Variants in DST observed in about 807,000 individuals in gnomAD.
DST encodes dystonin.
DST carries 253 observed loss-of-function variants against 875.2 expected under a neutral mutation model. The observed-to-expected ratio is 0.29, with a 90% CI of 0.26 to 0.32. The LOEUF (loss-of-function observed/expected upper bound fraction) is 0.32, where lower values mean the gene tolerates loss of function less well. DST is among the 10% of genes least tolerant of loss of function. The pLI is 1.00. For missense variants in DST, 8,287 were observed against 9,111.6 expected (o/e 0.91, Z 3.68); for synonymous variants, 3,124 against 3,197.1 (o/e 0.98, Z 0.77).
intron 4 of DST, 187 bp downstream of exon 4, chr6:56,851,210 A>C: frequency 1.6e-6 from 1 of 607,246 alleles, no homozygotes; most frequent in East Asian, 2.8e-5. Context: ...CTTAGTCACC[A>C]GCAGGCAGGG....
chr6:56,934,613 A>G (rs1463231024), intron 2 of DST, among the ~76,000 whole-genome samples: 6 of 131,718 alleles, frequency 4.6e-5, no homozygotes, highest in African/African-American at 1.1e-4. Flanking sequence ...GAAGGAGGGG[A>G]GAGAGAGAGA....
chr6:56,673,337 T>C (rs1279921723), intron 9 of DST, among the ~76,000 whole-genome samples: 1 of 152,172 alleles, frequency 6.6e-6, no homozygotes. Flanking sequence ...TTAAAAATTA[T>C]AAAATCAACT....
chr6:56,563,588 T>A (rs2097582078), intron 55 of DST, among the ~76,000 whole-genome samples: 1 of 152,246 alleles, frequency 6.6e-6, no homozygotes, highest in South Asian at 2.1e-4. Context: ...TTTAATTAGA[T>A]CCCATTTGTC....
chr6:56,461,992 T>C (rs903167310), intron 102 of DST: 4 of 152,236 alleles, frequency 2.6e-5, no homozygotes, highest in African/African-American at 9.6e-5. Flanking sequence ...AGGTAACACA[T>C]TTTTTCTCTG....
chr6:56,896,329 T>C (rs552573448), intron 3 of DST, among the ~76,000 whole-genome samples: 1 of 152,226 alleles, frequency 6.6e-6, no homozygotes, highest in Admixed American at 6.5e-5. Context: ...GCTATTCTCA[T>C]GATAGTGAAT....
chr6:56,630,476 C>T (rs1257813712), intron 30 of DST, 93 bp from the exon 31 acceptor site: 1 of 1,092,866 alleles, frequency 9.2e-7, no homozygotes, highest in African/African-American at 1.5e-5. Context: ...CATGACATAA[C>T]ATGTTCTTCA....
chr6:56,699,242 G>T (rs995594862), intron 9 of DST, among the ~76,000 whole-genome samples: 2 of 152,100 alleles, frequency 1.3e-5, no homozygotes, highest in African/African-American at 2.4e-5. Context: ...TAATTATGCT[G>T]CCATCTAGTG....
At chr6:56,482,006 T>C in intron 90 of DST, 44 bp downstream of exon 90, 1 of 1,589,956 alleles carries the variant, frequency 6.3e-7, no homozygotes, top group Non-Finnish European at 8.6e-7. Flanking sequence ...TTCCCTGCTT[T>C]GATTTTCTAA....
intron 3 of DST, chr6:56,862,004 T>G (rs942340458): frequency 1.3e-5 from 2 of 152,194 alleles, no homozygotes; most frequent in African/African-American, 4.8e-5. Context: ...CAGCTGTTTC[T>G]TATGTACTTC....
chr6:56,931,240 A>C (rs1378822719), intron 2 of DST, among the ~76,000 whole-genome samples: 1 of 152,182 alleles, frequency 6.6e-6, no homozygotes, highest in Non-Finnish European at 1.5e-5. Context: ...CAGAGGGTTC[A>C]AGTCCCAAGA....
intron 4 of DST, among the ~76,000 whole-genome samples, chr6:56,804,731 G>A (rs2099751161): frequency 6.6e-6 from 1 of 152,032 alleles, no homozygotes; most frequent in Admixed American, 6.6e-5. Flanking sequence ...CCTTTATTCT[G>A]TTGATAATAA....
intron 9 of DST, among the ~76,000 whole-genome samples, chr6:56,695,253 G>A (rs1204347067): frequency 6.6e-6 from 1 of 151,068 alleles, no homozygotes; most frequent in African/African-American, 2.4e-5. Flanking sequence ...CACCATGACT[G>A]AAAAATTTTC....
intron 77 of DST, among the ~76,000 whole-genome samples, chr6:56,504,398 T>A (rs2096247386): frequency 6.6e-6 from 1 of 152,128 alleles, no homozygotes; most frequent in African/African-American, 2.4e-5. Flanking sequence ...TCCAATCACA[T>A]GGAATTCTTC....
chr6:56,535,028 G>A, intron 63 of DST, 94 bp downstream of exon 63: 1 of 1,420,110 alleles, frequency 7.0e-7, no homozygotes, highest in Non-Finnish European at 9.8e-7. Flanking sequence ...GGTTAACTAG[G>A]TTATCCTATT....
chr6:56,666,902 G>A (rs2152821584), intron 10 of DST, among the ~76,000 whole-genome samples: 1 of 151,362 alleles, frequency 6.6e-6, no homozygotes, highest in South Asian at 2.1e-4. Context: ...TAACGTTTAG[G>A]ACCCTTTTTA....
Position 56,552,981 on chromosome 6 carries a change from T to C in DST, c.15811A>G (p.Met5271Val), listed in dbSNP as rs2097346367. The stretch of plus-strand genomic sequence containing the variant: ...TGAAATTCTTTAAACTTCTGAGTCA[T>C]GTTCTCCAGACAGAATTTCTTACTG... ...LHSKKFCLEN[M>V]TQKFKEFQEV... Residue 5271 changes from methionine (M) to valine (V), a missense_variant, in exon 61 of 104, where the codon ATG (methionine) becomes GTG (valine). Met to Val is a conservative substitution (Grantham distance 21). Transcript: ENST00000680361. 3 of 1,613,892 alleles carry C rather than the reference T, an allele frequency of 1.9e-6. No individual in the cohort carries two copies. The highest frequency in any genetic ancestry group is 1.7e-6 in the Non-Finnish European group (2 of 1,179,902).
Position 56,552,588 on chromosome 6 carries a change from C to G in DST, c.16204G>C (p.Asp5402His). The change falls in exon 61 of 104, where the codon GAT becomes CAT. Residue 5402 changes from aspartate (D) to histidine (H), a missense_variant. Transcript: ENST00000680361. The part of the protein sequence containing the change: ...REMFSQFAEF[D>H]DELDSMAPVG... ...GGAGCCATGCTATCCAGTTCATCAT[C>G]AAACTCTGCGAACTGAGAAAACATT... 6.2e-7 allele frequency: 1 copy of G among 1,613,998 alleles called. No homozygotes were observed. Among genetic ancestry groups the G allele is most frequent in the Non-Finnish European group, 8.5e-7 (1 of 1,179,892 alleles).
At chr6:56,461,753 C>G (rs1335200267) in intron 102 of DST, 1 of 152,144 alleles carries the variant, frequency 6.6e-6, no homozygotes, top group African/African-American at 2.4e-5. Flanking sequence ...GTTAATATGT[C>G]CCTTGAGGTT....
chr6:56,840,141 A>G (rs147148101), intron 4 of DST, among the ~76,000 whole-genome samples: 26 of 152,348 alleles, frequency 1.7e-4, no homozygotes, highest in African/African-American at 6.3e-4. Flanking sequence ...ATCATACTAC[A>G]AAGTAACAAT....
Sources: gnomAD v4.1 joint callset for allele counts (sites outside exome capture counted in the v4.1 genomes callset) on GRCh38, gnomAD v4.1.1 for gene constraint, MANE v1.5 for transcripts, NCBI Gene and HGNC (gene_info 2026-07-23, HGNC 2026-07-21) for gene names.